The following SOD2 variants were observed in gnomAD, a reference collection of about 807,000 sequenced individuals.
SOD2 encodes superoxide dismutase [Mn], mitochondrial.
A neutral mutation model predicts 27.0 loss-of-function variants in SOD2; 11 were observed. The observed-to-expected ratio is 0.41, with a 90% CI of 0.26 to 0.67. The LOEUF (loss-of-function observed/expected upper bound fraction) is 0.67, where lower values mean the gene tolerates loss of function less well. SOD2 is among the 30% of genes least tolerant of loss of function. The probability of loss-of-function intolerance (pLI) is 0.34; values close to 1 mark genes in which losing one functional copy is unlikely to be tolerated. For missense variants in SOD2, 250 were observed against 274.5 expected (o/e 0.91, Z 0.63); for synonymous variants, 105 against 103.0 (o/e 1.02, Z -0.12).
At chr6:159,757,109 T>C (rs1220783194) in intron 1 of SOD2, among the ~76,000 whole-genome samples, 1 of 152,166 alleles carries the variant, frequency 6.6e-6, no homozygotes, top group Non-Finnish European at 1.5e-5. Context: ...ATGTCAAAAT[T>C]TGCTCCATTT....
rs536333656 is a variant in SOD2 at position 159,700,527 on chromosome 6, G to A, written c.-115-7664C>T. On this transcript the variant is annotated intron_variant, in intron 1 of 2. Coordinates refer to the SOD2 transcript ENST00000401980. Reference sequence around the variant, plus strand: ...AAATTAGCTGGGTGTGGTGGCAGGCGCCTGTAGTCCCAGCTACTCGGGAGG... The same window carrying A: ...AAATTAGCTGGGTGTGGTGGCAGGCACCTGTAGTCCCAGCTACTCGGGAGG... Among the ~76,000 whole-genome samples the A allele has an allele frequency of 1.6e-3, 244 of 151,920 alleles. 1 individual carries two copies. The highest frequency in any genetic ancestry group is 6.8e-3 in the Middle Eastern group (2 of 294).
At chr6:159,720,245 T>G (rs1778007874) in intron 1 of SOD2, among the ~76,000 whole-genome samples, 1 of 152,006 alleles carries the variant, frequency 6.6e-6, no homozygotes. Context: ...AAGACAGAGT[T>G]TCACCATGTT....
At chr6:159,713,995 T>C in intron 1 of SOD2, 3 of 775,582 alleles carry the variant, frequency 3.9e-6, no homozygotes, top group Non-Finnish European at 6.3e-6. Flanking sequence ...TCGTGGCGAC[T>C]GTTGAGCTCT....
chr6:159,760,624 G>A (rs1780103809), intron 1 of SOD2: 1 of 152,230 alleles, frequency 6.6e-6, no homozygotes, highest in Admixed American at 6.5e-5. Flanking sequence ...AGGAGACGAG[G>A]TTAGATGTAA....
intron 1 of SOD2, among the ~76,000 whole-genome samples, chr6:159,714,238 G>A (rs759645312): frequency 3.3e-5 from 5 of 152,036 alleles, no homozygotes; most frequent in East Asian, 1.9e-4. Context: ...CCTAGACGTC[G>A]GGTTGTGAGG....
chr6:159,744,042 C>T (rs1583092373), intron 1 of SOD2, among the ~76,000 whole-genome samples: 1 of 151,974 alleles, frequency 6.6e-6, no homozygotes, highest in Non-Finnish European at 1.5e-5. Flanking sequence ...ATTAGTTCAT[C>T]AATTCCAGAC....
At chr6:159,714,427 C>G (rs191959108) in intron 1 of SOD2, among the ~76,000 whole-genome samples, 1 of 152,238 alleles carries the variant, frequency 6.6e-6, no homozygotes, top group East Asian at 1.9e-4. Context: ...TTCCATCAGT[C>G]CCTTCTCCTG....
In SOD2 at chr6:159,673,683, A is replaced by G. The variant is rs1191675225; in HGVS notation, c.*8810T>C. On this transcript the variant is annotated 3_prime_UTR_variant, in exon 5 of 5. Coordinates refer to ENST00000538183, the MANE Select transcript of SOD2 (RefSeq NM_000636.4). ...ATTGACACTCTAACATCACAATTAA[A>G]AATATTAGAGAAGCAAGAGCAAACA... 6.6e-6 allele frequency: 1 copy of G among 152,238 alleles called. No individual in the cohort carries two copies. 9.4% of individuals were successfully genotyped at this position (152,238 alleles called of 1,614,324 possible). A position where few individuals can be genotyped will look rare whatever the true frequency, so the allele number is the denominator to read the frequency against.
chr6:159,682,296 T>A lies in SOD2; in HGVS notation c.*197A>T, dbSNP rs918330812. On this transcript the variant is annotated 3_prime_UTR_variant, in exon 5 of 5. Coordinates refer to ENST00000538183, the MANE Select transcript of SOD2 (RefSeq NM_000636.4). ...AATCAGATTCAATCACACAAAGCAT[T>A]TACTATTTTCAATCACTTGCCCAAT... is the stretch of plus-strand genomic sequence containing the variant. The A allele has an allele frequency of 2.9e-5, 13 of 445,520 alleles. No individual in the cohort carries two copies. Among genetic ancestry groups the A allele is most frequent in the African/African-American group, 2.6e-4 (13 of 49,150 alleles). 27.6% of individuals were successfully genotyped at this position (445,520 alleles called of 1,614,324 possible). A position where few individuals can be genotyped will look rare whatever the true frequency, so the allele number is the denominator to read the frequency against.
At chr6:159,723,698 G>C (rs1778084607) in intron 1 of SOD2, among the ~76,000 whole-genome samples, 1 of 152,178 alleles carries the variant, frequency 6.6e-6, no homozygotes, top group Admixed American at 6.5e-5. Flanking sequence ...TGGCAAACTA[G>C]AACAACTGGT....
chr6:159,736,218 A>G, intron 1 of SOD2: 1 of 1,574,412 alleles, frequency 6.4e-7, no homozygotes, highest in Non-Finnish European at 8.6e-7. Flanking sequence ...TCACTGGAAG[A>G]AAATAAATTG....
chr6:159,728,697 AATTC>A (rs1562448808), upstream of SOD2, among the ~76,000 whole-genome samples: 2 of 152,204 alleles, frequency 1.3e-5, no homozygotes, highest in African/African-American at 2.4e-5. Flanking sequence ...GATACATTTT[AATTC>A]ATTCAAGTAG....
At chr6:159,693,309 G>C, upstream of SOD2, 1 of 509,634 alleles carries the variant, frequency 2.0e-6, no homozygotes, top group East Asian at 4.2e-5. Flanking sequence ...CAGCTGCGCC[G>C]CAAGGGCACC....
At chr6:159,712,857 G>C in intron 1 of SOD2, 1 of 617,838 alleles carries the variant, frequency 1.6e-6, no homozygotes, top group Middle Eastern at 2.7e-4. Flanking sequence ...CCCTGCTGTA[G>C]ATTCAAGAAA....
chr6:159,699,154 T>C (rs1243871057), intron 1 of SOD2, among the ~76,000 whole-genome samples: 1 of 152,150 alleles, frequency 6.6e-6, no homozygotes, highest in Non-Finnish European at 1.5e-5. Flanking sequence ...TCTTCCTCCT[T>C]CTGTCCCTAC....
intron 1 of SOD2, among the ~76,000 whole-genome samples, chr6:159,750,395 A>G (rs1779775306): frequency 6.6e-6 from 1 of 152,196 alleles, no homozygotes; most frequent in Non-Finnish European, 1.5e-5. Flanking sequence ...TAATAAGATA[A>G]TACATGCTTA....
At chr6:159,689,658 A>T (rs1463037966) in intron 2 of SOD2, among the ~76,000 whole-genome samples, 1 of 152,218 alleles carries the variant, frequency 6.6e-6, no homozygotes, top group African/African-American at 2.4e-5. Context: ...CTGAAAGTGT[A>T]CGTTAAGAAC....
At chr6:159,690,896 AAAT>A (rs1412851598) in intron 2 of SOD2, 3 of 152,202 alleles carry the variant, frequency 2.0e-5, no homozygotes, top group African/African-American at 7.2e-5. Context: ...TTTTTGCCTC[AAAT>A]AATAATAAAA....
chr6:159,670,320 A>G lies in SOD2; in HGVS notation c.*12173T>C, dbSNP rs1241457452. On this transcript the variant is annotated 3_prime_UTR_variant, in exon 5 of 5. Transcript: ENST00000538183. ...CCACACTCAGCCTTGATAGGTGAAG[A>G]CTTACTTGTGTCATTTTTTAAATTG... 1 of 152,174 alleles carries G rather than the reference A, an allele frequency of 6.6e-6. No individual in the cohort carries two copies. Among genetic ancestry groups the G allele is most frequent in the Non-Finnish European group, 1.5e-5 (1 of 68,040 alleles). 9.4% of individuals were successfully genotyped at this position (152,174 alleles called of 1,614,324 possible).
Sources: allele counts gnomAD v4.1 joint callset (sites outside exome capture counted in the v4.1 genomes callset), GRCh38; gene constraint gnomAD v4.1.1; transcripts MANE v1.5; gene names NCBI Gene and HGNC (gene_info 2026-07-23, HGNC 2026-07-21).